The following GPC6 variants were observed in gnomAD, a reference collection of about 807,000 sequenced individuals.
GPC6 encodes the protein glypican 6, also known as glypican-6.
Under a neutral mutation model 55.2 loss-of-function variants are expected in GPC6, and 14 were observed. That is an observed-to-expected ratio of 0.25 (90% confidence interval 0.17 to 0.40). The LOEUF (loss-of-function observed/expected upper bound fraction) is 0.40, where lower values mean the gene tolerates loss of function less well. GPC6 is among the 10% of genes least tolerant of loss of function. GPC6 has a pLI of 1.00. For synonymous variants in GPC6, 278 were observed against 259.6 expected (o/e 1.07, Z -0.68); for missense variants, 641 against 708.5 (o/e 0.90, Z 1.08).
At chr13:93,471,784 A>T (rs1311472979) in intron 1 of GPC6, among the ~76,000 whole-genome samples, 1 of 152,166 alleles carries the variant, frequency 6.6e-6, no homozygotes, top group Non-Finnish European at 1.5e-5. Context: ...TGTTAGTTTT[A>T]TGACCCAGGA....
intron 2 of GPC6, among the ~76,000 whole-genome samples, chr13:93,722,219 A>G (rs1241145323): frequency 6.6e-6 from 1 of 151,796 alleles, no homozygotes; most frequent in Non-Finnish European, 1.5e-5. Flanking sequence ...TCATGCCTGA[A>G]TATTTTTATA....
intron 1 of GPC6, among the ~76,000 whole-genome samples, chr13:93,273,463 T>A (rs551892739): frequency 6.6e-6 from 1 of 151,996 alleles, no homozygotes; most frequent in South Asian, 2.1e-4. Flanking sequence ...TCGAGACCAT[T>A]CTGGCTAACA....
intron 5 of GPC6, among the ~76,000 whole-genome samples, chr13:94,293,525 C>T (rs900399483): frequency 6.6e-6 from 1 of 152,170 alleles, no homozygotes; most frequent in African/African-American, 2.4e-5. Flanking sequence ...AACCTCTTTT[C>T]TTTGTAAATT....
chr13:93,264,144 A>C (rs1415198712), intron 1 of GPC6, among the ~76,000 whole-genome samples: 4 of 152,146 alleles, frequency 2.6e-5, no homozygotes, highest in Non-Finnish European at 5.9e-5. Context: ...GATGAATGAA[A>C]TTCTCAGATT....
At chr13:94,388,078 A>C (rs1880490278) in intron 7 of GPC6, among the ~76,000 whole-genome samples, 1 of 152,198 alleles carries the variant, frequency 6.6e-6, no homozygotes, top group Non-Finnish European at 1.5e-5. Flanking sequence ...TAGCACATAA[A>C]GATAATAGAC....
intron 1 of GPC6, among the ~76,000 whole-genome samples, chr13:93,481,856 T>C (rs1427121809): frequency 6.6e-6 from 1 of 152,188 alleles, no homozygotes. Context: ...GAGTGAGTCC[T>C]GCAAATTTGT....
intron 4 of GPC6, among the ~76,000 whole-genome samples, chr13:94,219,247 T>G (rs1890312596): frequency 6.6e-6 from 1 of 152,174 alleles, no homozygotes; most frequent in Non-Finnish European, 1.5e-5. Flanking sequence ...TCTAGTTATC[T>G]GACCCTGATC....
At chr13:93,524,794 G>A (rs1248446069) in intron 1 of GPC6, among the ~76,000 whole-genome samples, 1 of 151,990 alleles carries the variant, frequency 6.6e-6, no homozygotes, top group East Asian at 1.9e-4. Context: ...AAGTACCAAA[G>A]CCCATATCTT....
At chr13:93,403,976 C>A (rs933851734) in intron 1 of GPC6, among the ~76,000 whole-genome samples, 1 of 151,992 alleles carries the variant, frequency 6.6e-6, no homozygotes, top group Non-Finnish European at 1.5e-5. Flanking sequence ...ATGGAATCAT[C>A]TTGATATTAT....
At chr13:94,286,313 A>C in intron 4 of GPC6, 36 bp from the exon 5 acceptor site, 1 of 1,612,536 alleles carries the variant, frequency 6.2e-7, no homozygotes, top group African/African-American at 1.3e-5. Context: ...TGGAGCTCCC[A>C]GTTTGCAAAT....
rs73549514 is a variant in GPC6 at position 93,793,776 on chromosome 13, A to G, written c.320-36378A>G. Among the ~76,000 whole-genome samples the G allele has an allele frequency of 4.7e-3, 710 of 152,334 alleles. 7 individuals carry two copies. The highest frequency in any genetic ancestry group is 0.016 in the African/African-American group (670 of 41,572). Reference sequence around the variant, plus strand: ...AGCTATAGAATTATTTCATATTGCAAGATGATTTTCTTAGTAAACTGAGCA... The same window carrying G: ...AGCTATAGAATTATTTCATATTGCAGGATGATTTTCTTAGTAAACTGAGCA... On this transcript the variant is annotated intron_variant, in intron 2 of 8. Coordinates refer to ENST00000377047, the MANE Select transcript of GPC6 (RefSeq NM_005708.5).
chr13:94,351,512 G>A (rs1416889766), intron 6 of GPC6, among the ~76,000 whole-genome samples: 2 of 151,944 alleles, frequency 1.3e-5, no homozygotes, highest in Admixed American at 6.6e-5. Context: ...ATGACACATC[G>A]GGGTCTGTGA....
intron 2 of GPC6, among the ~76,000 whole-genome samples, chr13:93,680,615 A>C (rs183362188): frequency 6.6e-6 from 1 of 152,282 alleles, no homozygotes; most frequent in East Asian, 1.9e-4. Flanking sequence ...AGAAATACAG[A>C]GTAAAGTCTC....
At chr13:93,657,732 A>G (rs901821195) in intron 2 of GPC6, among the ~76,000 whole-genome samples, 2 of 152,100 alleles carry the variant, frequency 1.3e-5, no homozygotes, top group African/African-American at 2.4e-5. Flanking sequence ...CAGAATATAT[A>G]AGGAACATAA....
At chr13:93,435,142 T>C (rs554703294) in intron 1 of GPC6, among the ~76,000 whole-genome samples, 1 of 151,856 alleles carries the variant, frequency 6.6e-6, no homozygotes, top group African/African-American at 2.4e-5. Context: ...GGAGACATGG[T>C]CTCACTCTTT....
At chr13:93,314,411 G>A (rs1174963155) in intron 1 of GPC6, among the ~76,000 whole-genome samples, 2 of 152,038 alleles carry the variant, frequency 1.3e-5, no homozygotes, top group South Asian at 2.1e-4. Context: ...GACAAAACAC[G>A]GTTAGGTTAA....
Position 94,407,228 on chromosome 13 carries a change from G to A in GPC6, c.*4011G>A, listed in dbSNP as rs1026830912. 12 of 152,170 alleles carry A rather than the reference G, an allele frequency of 7.9e-5. No individual in the cohort carries two copies. The highest frequency in any genetic ancestry group is 2.0e-4 in the Admixed American group (3 of 15,292). The allele number at this position is 152,170 out of a possible 1,614,324, so 9.4% of individuals were successfully genotyped here. A position where few individuals can be genotyped will look rare whatever the true frequency, so the allele number is the denominator to read the frequency against. Reference sequence around the variant, plus strand: ...AAAGACCCCTAACAATGGCATAATAGTGAGGTCTCTCTGTGCATATACATA... The same window carrying A: ...AAAGACCCCTAACAATGGCATAATAATGAGGTCTCTCTGTGCATATACATA... On this transcript the variant is annotated 3_prime_UTR_variant, in exon 9 of 9. Transcript: ENST00000377047.
At chr13:93,665,663 AAG>A (rs571539554) in intron 2 of GPC6, among the ~76,000 whole-genome samples, 204 of 152,334 alleles carry the variant, frequency 1.3e-3, no homozygotes, top group African/African-American at 4.8e-3. Context: ...AGCTGTTGCT[AAG>A]AGAAAAAGTT....
chr13:94,133,178 G>A (rs913497941), intron 4 of GPC6, among the ~76,000 whole-genome samples: 1 of 129,504 alleles, frequency 7.7e-6, no homozygotes, highest in Non-Finnish European at 1.6e-5. Context: ...ATAGAAACAA[G>A]AATTAGACAA....
Sources: gnomAD v4.1 joint callset for allele counts (sites outside exome capture counted in the v4.1 genomes callset) on GRCh38, gnomAD v4.1.1 for gene constraint, MANE v1.5 for transcripts, NCBI Gene and HGNC (gene_info 2026-07-23, HGNC 2026-07-21) for gene names.